RSRC1: variants seen among roughly 807,000 people sequenced by gnomAD.
The protein encoded by RSRC1 is arginine and serine rich coiled-coil 1.
RSRC1 carries 39 observed loss-of-function variants against 49.1 expected under a neutral mutation model. The ratio of observed to expected loss-of-function variants is 0.79; its 90% CI spans 0.61 to 1.04. The LOEUF is 1.04. RSRC1 is among the 50% of genes least tolerant of loss of function. The pLI, the probability that RSRC1 is intolerant of heterozygous loss-of-function variation, is 0.00. For synonymous variants in RSRC1, 143 were observed against 130.8 expected, an observed-to-expected ratio of 1.09 and a Z score of -0.63; for missense variants, 388 against 402.4, an observed-to-expected ratio of 0.96 and a Z score of 0.31.
chr3:158,484,715 A>C (rs1738750978), intron 7 of RSRC1, among the ~76,000 whole-genome samples: 1 of 152,110 alleles, frequency 6.6e-6, no homozygotes. Flanking sequence ...CAATTTTTGG[A>C]AATGATATTT....
intron 8 of RSRC1, among the ~76,000 whole-genome samples, chr3:158,540,956 G>C (rs375984078): frequency 1.3e-5 from 2 of 152,124 alleles, no homozygotes; most frequent in African/African-American, 4.8e-5. Context: ...TAAAAGGTGA[G>C]CCCCACAGTT....
chr3:158,140,059 GAGA>G (rs199934631), intron 3 of RSRC1, among the ~76,000 whole-genome samples: 4,510 of 152,190 alleles, frequency 0.03, 228 homozygotes, highest in African/African-American at 0.1. Context: ...GGATTATTGT[GAGA>G]AGAAGTTACG....
chr3:158,168,702 CAG>C (rs1718683413), intron 3 of RSRC1, among the ~76,000 whole-genome samples: 1 of 152,034 alleles, frequency 6.6e-6, no homozygotes, highest in Non-Finnish European at 1.5e-5. Flanking sequence ...ACAAGTGCCT[CAG>C]GGATTATCTA....
intron 4 of RSRC1, among the ~76,000 whole-genome samples, chr3:158,224,169 A>G (rs929274791): frequency 1.3e-5 from 2 of 151,844 alleles, no homozygotes; most frequent in African/African-American, 4.8e-5. Context: ...TAATGACTAA[A>G]TATGTCACTT....
At chr3:158,477,490 G>T (rs1286034004) in intron 7 of RSRC1, among the ~76,000 whole-genome samples, 1 of 152,028 alleles carries the variant, frequency 6.6e-6, no homozygotes, top group Non-Finnish European at 1.5e-5. Context: ...AAAAGATTAT[G>T]ACTTGTTAAA....
At chr3:158,341,964 C>A (rs928473328) in intron 5 of RSRC1, among the ~76,000 whole-genome samples, 1 of 152,172 alleles carries the variant, frequency 6.6e-6, no homozygotes, top group Non-Finnish European at 1.5e-5. Context: ...CACTGGATTT[C>A]GGACTTGCAT....
intron 6 of RSRC1, among the ~76,000 whole-genome samples, chr3:158,437,493 G>A (rs1172890365): frequency 6.6e-6 from 1 of 152,116 alleles, no homozygotes; most frequent in Non-Finnish European, 1.5e-5. Flanking sequence ...TCCCTGGGAT[G>A]CAAGGCTGGT....
chr3:158,193,894 A>G (rs116409162), intron 3 of RSRC1, among the ~76,000 whole-genome samples: 1 of 152,132 alleles, frequency 6.6e-6, no homozygotes, highest in African/African-American at 2.4e-5. Flanking sequence ...CAATAAAATA[A>G]TTAAACCTAT....
intron 7 of RSRC1, among the ~76,000 whole-genome samples, chr3:158,479,005 T>A (rs1738500845): frequency 6.7e-6 from 1 of 149,734 alleles, no homozygotes; most frequent in Admixed American, 6.7e-5. Context: ...AGGGAAGATG[T>A]CAACATCATA....
intron 6 of RSRC1, among the ~76,000 whole-genome samples, chr3:158,398,390 G>T (rs77553332): frequency 6.6e-6 from 1 of 152,074 alleles, no homozygotes; most frequent in African/African-American, 2.4e-5. Context: ...TGAGGGCCAG[G>T]TGTCTGCTTC....
chr3:158,130,850 G>A (rs181415503), intron 3 of RSRC1, among the ~76,000 whole-genome samples: 2 of 152,166 alleles, frequency 1.3e-5, no homozygotes, highest in African/African-American at 4.8e-5. Flanking sequence ...TGTTTAGTTT[G>A]TATCCTGTAA....
At chr3:158,354,051 C>A (rs1731026101) in intron 5 of RSRC1, among the ~76,000 whole-genome samples, 1 of 120,976 alleles carries the variant, frequency 8.3e-6, no homozygotes, top group Non-Finnish European at 1.6e-5. Context: ...AGGCTGGATA[C>A]AGTGGCACGA....
chr3:158,241,175 CGGT>C (rs1390495245), intron 4 of RSRC1, among the ~76,000 whole-genome samples: 3 of 152,092 alleles, frequency 2.0e-5, no homozygotes, highest in Non-Finnish European at 4.4e-5. Context: ...TGGCTGGGCA[CGGT>C]GGCTCACGCC....
intron 1 of RSRC1, among the ~76,000 whole-genome samples, chr3:158,120,054 C>T (rs1715144448): frequency 6.6e-6 from 1 of 152,126 alleles, no homozygotes; most frequent in African/African-American, 2.4e-5. Context: ...TGGTCTCGAA[C>T]TCCTGACCTC....
intron 3 of RSRC1, among the ~76,000 whole-genome samples, chr3:158,157,274 CAT>C (rs1338484337): frequency 6.6e-6 from 1 of 152,130 alleles, no homozygotes; most frequent in African/African-American, 2.4e-5. Flanking sequence ...GAATGTTTAA[CAT>C]GTATTCTTTT....
intron 4 of RSRC1, among the ~76,000 whole-genome samples, chr3:158,262,769 T>A (rs1724972641): frequency 6.6e-6 from 1 of 152,064 alleles, no homozygotes; most frequent in Admixed American, 6.5e-5. Flanking sequence ...CTTTAGAAGG[T>A]CTCTGACATT....
At chr3:158,325,114 G>A (rs951327561) in intron 5 of RSRC1, among the ~76,000 whole-genome samples, 1 of 152,134 alleles carries the variant, frequency 6.6e-6, no homozygotes, top group Non-Finnish European at 1.5e-5. Context: ...GTTCTTTGTA[G>A]ATTCTGGATA....
chr3:158,487,949 GAAAA>G (rs58689210), intron 7 of RSRC1, among the ~76,000 whole-genome samples: 1,296 of 28,938 alleles, frequency 0.045, 77 homozygotes, highest in African/African-American at 0.16. Flanking sequence ...TCCATCTCAA[GAAAA>G]AAAAAAAAAA....
In RSRC1 at chr3:158,545,023, G is replaced by A. The variant is rs575553830; in HGVS notation, c.*748G>A. On this transcript the variant is annotated 3_prime_UTR_variant, in exon 10 of 10. Transcript: ENST00000611884. ...ACTGCTATTCCCTGTGGAGAAAGCC[G>A]GCTAATTGTTTTGATAAGGCTATCT... The A allele has an allele frequency of 1.1e-4, 16 of 152,122 alleles. No individual in the cohort carries two copies. Among genetic ancestry groups the A allele is most frequent in the African/African-American group, 1.2e-4 (5 of 41,502 alleles). The allele number at this position is 152,122 out of a possible 1,614,324, so 9.4% of individuals were successfully genotyped here.
Sources: allele counts gnomAD v4.1 joint callset (sites outside exome capture counted in the v4.1 genomes callset), GRCh38; gene constraint gnomAD v4.1.1; transcripts MANE v1.5; gene names NCBI Gene and HGNC (gene_info 2026-07-23, HGNC 2026-07-21).